SORT1: variants seen among roughly 807,000 people sequenced by gnomAD.
SORT1 encodes the protein sortilin 1.
Under a neutral mutation model 101.7 loss-of-function variants are expected in SORT1, and 39 were observed. The ratio of observed to expected loss-of-function variants is 0.38; its 90% CI spans 0.30 to 0.50. The LOEUF (loss-of-function observed/expected upper bound fraction) is 0.50. Ranked by LOEUF, SORT1 falls within the 20% of genes least tolerant of loss-of-function variation. The pLI, the probability that SORT1 is intolerant of heterozygous loss-of-function variation, is 0.90. For missense variants in SORT1, 878 were observed against 1,040.4 expected, an observed-to-expected ratio of 0.84 and a Z score of 2.15; for synonymous variants, 396 against 393.7, an observed-to-expected ratio of 1.01 and a Z score of -0.07.
rs768184294 is a variant in SORT1, at chr1:109,327,157, C to T, written c.1478G>A (p.Ser493Asn). ...NAVGIVIAHG[S>N]VGDAISVMVP... ...CATCACTGAGATGGCATCCCCCACGCTACCTGCAATATAATCCACCATCTC... is the reference window on the plus strand; with the variant it reads ...CATCACTGAGATGGCATCCCCCACGTTACCTGCAATATAATCCACCATCTC... Residue 493 changes from serine (S) to asparagine (N), a missense_variant, in exon 13 of 20, where the codon AGC becomes AAC. Ser to Asn is a conservative substitution (Grantham distance 46). Transcript: ENST00000256637. 1.2e-6 allele frequency: 2 copies of T among 1,611,582 alleles called. No homozygotes were observed. Among genetic ancestry groups the T allele is most frequent in the South Asian group, 1.1e-5 (1 of 90,864 alleles).
intron 13 of SORT1, among the ~76,000 whole-genome samples, chr1:109,325,813 A>G (rs983012877): frequency 2.0e-5 from 3 of 151,900 alleles, no homozygotes; most frequent in South Asian, 2.1e-4. Flanking sequence ...CGTCTCTACC[A>G]AAACACAAAA....
intron 3 of SORT1, among the ~76,000 whole-genome samples, chr1:109,364,787 C>T (rs1419492473): frequency 6.6e-6 from 1 of 152,184 alleles, no homozygotes; most frequent in African/African-American, 2.4e-5. Flanking sequence ...GGCTACATGC[C>T]ATCCCTGATC....
chr1:109,353,766 C>T (rs1650119598), intron 5 of SORT1, among the ~76,000 whole-genome samples: 1 of 152,158 alleles, frequency 6.6e-6, no homozygotes, highest in Admixed American at 6.5e-5. Context: ...ACTTTGGGCC[C>T]TTAACCACAG....
chr1:109,341,642 C>G (rs972279079), intron 9 of SORT1, among the ~76,000 whole-genome samples: 1 of 152,146 alleles, frequency 6.6e-6, no homozygotes, highest in African/African-American at 2.4e-5. Flanking sequence ...AGCCACTGCG[C>G]CCAGCCATAA....
intron 13 of SORT1, 97 bp from the exon 14 acceptor site, chr1:109,325,186 C>T: frequency 1.6e-6 from 1 of 639,468 alleles, no homozygotes; most frequent in Non-Finnish European, 2.6e-6. Flanking sequence ...CCAGACAAAA[C>T]CCCTTACATT....
chr1:109,315,560 C>A (rs1018707981), intron 17 of SORT1, among the ~76,000 whole-genome samples: 1 of 152,126 alleles, frequency 6.6e-6, no homozygotes, highest in Non-Finnish European at 1.5e-5. Flanking sequence ...TCCCTTAGAA[C>A]AGCAGAGAGG....
intron 3 of SORT1, 42 bp from the exon 4 acceptor site, chr1:109,355,511 C>A (rs769433509): frequency 1.1e-6 from 1 of 882,250 alleles, no homozygotes; most frequent in South Asian, 1.3e-5. Context: ...GTGCAGTGGT[C>A]ATGGATATTA....
At chr1:109,353,281 T>C (rs1284620329) in intron 5 of SORT1, among the ~76,000 whole-genome samples, 2 of 149,322 alleles carry the variant, frequency 1.3e-5, no homozygotes, top group Non-Finnish European at 3.0e-5. Flanking sequence ...TGAGACCAGA[T>C]TGAGCCATTG....
intron 14 of SORT1, among the ~76,000 whole-genome samples, chr1:109,323,795 T>C (rs1647801815): frequency 6.6e-6 from 1 of 152,152 alleles, no homozygotes; most frequent in Non-Finnish European, 1.5e-5. Context: ...AGCAGGTGCT[T>C]AACAAATCTT....
At chr1:109,375,103 G>A (rs1018027203) in intron 1 of SORT1, among the ~76,000 whole-genome samples, 2 of 152,172 alleles carry the variant, frequency 1.3e-5, no homozygotes, top group African/African-American at 2.4e-5. Context: ...AAAATGAACA[G>A]AGCTATCAAT....
chr1:109,317,121 T>C (rs150145899), intron 16 of SORT1, among the ~76,000 whole-genome samples, 163 bp from the exon 17 acceptor site: 2 of 152,272 alleles, frequency 1.3e-5, no homozygotes, highest in East Asian at 3.9e-4. Flanking sequence ...GGGGGATATT[T>C]TGTGTAGTTT....
chr1:109,397,445 C>T lies in SORT1; in HGVS notation c.306+142G>A, dbSNP rs1040149461. 17 of 476,664 alleles carry T rather than the reference C, an allele frequency of 3.6e-5. No individual in the cohort carries two copies. In the African/African-American group the frequency reaches 3.6e-4, roughly 10 times the overall value. The allele number at this position is 476,664 out of a possible 1,614,324, so 29.5% of individuals were successfully genotyped here. A position where few individuals can be genotyped will look rare whatever the true frequency, so the allele number is the denominator to read the frequency against. ...GGCCCGACTCCGCCCGCCCGCCCGC[C>T]GCAGTTTCGGGGCTGCGGCCCGGGG... is the stretch of plus-strand genomic sequence containing the variant. On this transcript the variant is annotated intron_variant, in intron 1 of 19. Coordinates refer to ENST00000256637, the MANE Select transcript of SORT1 (RefSeq NM_002959.7).
At chr1:109,341,985 T>C in intron 9 of SORT1, 29 bp downstream of exon 9, 2 of 1,605,756 alleles carry the variant, frequency 1.2e-6, no homozygotes, top group Non-Finnish European at 8.5e-7. Context: ...CTCTATGCTT[T>C]TAAGGGTAAG....
chr1:109,342,848 C>G (rs896095719), intron 8 of SORT1, among the ~76,000 whole-genome samples: 3 of 152,006 alleles, frequency 2.0e-5, no homozygotes, highest in Admixed American at 2.0e-4. Context: ...AGCTTAACAT[C>G]GCTACTAGAT....
At chr1:109,328,439 C>T (rs1188155598) in intron 11 of SORT1, among the ~76,000 whole-genome samples, 1 of 152,176 alleles carries the variant, frequency 6.6e-6, no homozygotes, top group East Asian at 1.9e-4. Flanking sequence ...TGAGGAGATA[C>T]CTCATTGTGG....
intron 13 of SORT1, among the ~76,000 whole-genome samples, chr1:109,326,427 GAA>G (rs1491449812): frequency 3.6e-3 from 163 of 45,658 alleles, no homozygotes; most frequent in African/African-American, 0.014. Flanking sequence ...TAGACAGAAA[GAA>G]TATATATATA....
Position 109,327,168 on chromosome 1 carries a change from A to G in SORT1, c.1475-8T>C. 1 of 1,607,098 alleles carries G rather than the reference A, an allele frequency of 6.2e-7. No individual in the cohort carries two copies. Among genetic ancestry groups the G allele is most frequent in the East Asian group, 2.2e-5 (1 of 44,736 alleles). ...TGGCATCCCCCACGCTACCTGCAAT[A>G]TAATCCACCATCTCATTAGCACAAA... On this transcript the variant is annotated splice_polypyrimidine_tract_variant and splice_region_variant and intron_variant, in intron 12 of 19. Coordinates refer to ENST00000256637, the MANE Select transcript of SORT1 (RefSeq NM_002959.7).
At chr1:109,354,241 C>G (rs1650157621) in intron 5 of SORT1, 126 bp downstream of exon 5, 1 of 670,194 alleles carries the variant, frequency 1.5e-6, no homozygotes, top group Non-Finnish European at 2.4e-6. Context: ...AAAATACATA[C>G]TTCATGCCAT....
intron 3 of SORT1, among the ~76,000 whole-genome samples, chr1:109,364,113 GA>G (rs977648506): frequency 2.6e-4 from 39 of 151,758 alleles, no homozygotes; most frequent in Non-Finnish European, 4.9e-4. Flanking sequence ...TGGGTAACAT[GA>G]AAAAAAAGTA....
Sources: gnomAD v4.1 joint callset for allele counts (sites outside exome capture counted in the v4.1 genomes callset) on GRCh38, gnomAD v4.1.1 for gene constraint, MANE v1.5 for transcripts, NCBI Gene and HGNC (gene_info 2026-07-23, HGNC 2026-07-21) for gene names.